The following PLXNC1 variants were observed in gnomAD, a reference collection of about 807,000 sequenced individuals.
The protein encoded by PLXNC1 is plexin C1.
A neutral mutation model predicts 178.2 loss-of-function variants in PLXNC1; 75 were observed. That is an observed-to-expected ratio of 0.42 (90% CI 0.35 to 0.51). The LOEUF (loss-of-function observed/expected upper bound fraction) is 0.51. Ranked by LOEUF, PLXNC1 falls within the 20% of genes least tolerant of loss-of-function variation. The pLI, the probability that PLXNC1 is intolerant of heterozygous loss-of-function variation, is 0.02. For synonymous variants in PLXNC1, 790 were observed against 779.9 expected, an observed-to-expected ratio of 1.01 and a Z score of -0.22; for missense variants, 1,503 against 1,984.4, an observed-to-expected ratio of 0.76 and a Z score of 4.61.
intron 10 of PLXNC1, among the ~76,000 whole-genome samples, chr12:94,239,989 T>C (rs1964343919): frequency 6.6e-6 from 1 of 152,202 alleles, no homozygotes; most frequent in African/African-American, 2.4e-5. Flanking sequence ...TCTGTAGCCA[T>C]TCCCGGTTTC....
chr12:94,207,063 G>A (rs561163282), intron 4 of PLXNC1, among the ~76,000 whole-genome samples: 1 of 152,224 alleles, frequency 6.6e-6, no homozygotes, highest in African/African-American at 2.4e-5. Flanking sequence ...GTAATATGCT[G>A]TCATGAAGAT....
chr12:94,245,264 C>A (rs1964495058), intron 12 of PLXNC1, among the ~76,000 whole-genome samples: 1 of 152,218 alleles, frequency 6.6e-6, no homozygotes, highest in African/African-American at 2.4e-5. Flanking sequence ...CTTGCTGTTC[C>A]CAAATCAAGT....
At chr12:94,227,091 G>C in intron 8 of PLXNC1, 58 bp from the exon 9 acceptor site, 1 of 1,086,808 alleles carries the variant, frequency 9.2e-7, no homozygotes, top group Non-Finnish European at 1.4e-6. Flanking sequence ...TTTTATGTTT[G>C]TTGCACACTT....
At chr12:94,303,131 ACT>A (rs1968636856) in intron 28 of PLXNC1, among the ~76,000 whole-genome samples, 1 of 152,204 alleles carries the variant, frequency 6.6e-6, no homozygotes, top group South Asian at 2.1e-4. Context: ...TTTAAATATC[ACT>A]GTTATAATTA....
intron 9 of PLXNC1, among the ~76,000 whole-genome samples, chr12:94,235,667 T>C (rs1439404000): frequency 6.6e-6 from 1 of 152,206 alleles, no homozygotes; most frequent in Non-Finnish European, 1.5e-5. Flanking sequence ...GGCCGTATGG[T>C]CTCTGCTGCA....
intron 4 of PLXNC1, among the ~76,000 whole-genome samples, chr12:94,190,275 C>G (rs1263249244): frequency 6.6e-6 from 1 of 152,156 alleles, no homozygotes; most frequent in African/African-American, 2.4e-5. Context: ...AGGGTCTCAT[C>G]CTGTCACCCA....
At chr12:94,170,337 C>T (rs868175711) in intron 2 of PLXNC1, among the ~76,000 whole-genome samples, 1 of 152,204 alleles carries the variant, frequency 6.6e-6, no homozygotes, top group South Asian at 2.1e-4. Context: ...TCCCCACCAT[C>T]CCCATCCCCA....
At chr12:94,192,777 G>A (rs1565802944) in intron 4 of PLXNC1, among the ~76,000 whole-genome samples, 1 of 152,138 alleles carries the variant, frequency 6.6e-6, no homozygotes, top group Non-Finnish European at 1.5e-5. Flanking sequence ...CATGGAGTAG[G>A]GAAATATATT....
rs1407174008 is a variant in PLXNC1 at position 94,306,152 on chromosome 12, T to C, written c.*867T>C. 1 of 152,140 alleles carries C rather than the reference T, an allele frequency of 6.6e-6. No homozygotes were observed. The highest frequency in any genetic ancestry group is 2.4e-5 in the African/African-American group (1 of 41,438). 9.4% of individuals were successfully genotyped at this position (152,140 alleles called of 1,614,324 possible). A position where few individuals can be genotyped will look rare whatever the true frequency, so the allele number is the denominator to read the frequency against. On this transcript the variant is annotated 3_prime_UTR_variant, in exon 31 of 31. Transcript: ENST00000258526. ...AACGATCTGTGGAAGAGTAACTCCA[T>C]TTCTATATGAGTGAGTGTCTCCTTG...
chr12:94,207,712 A>G (rs905482837), intron 4 of PLXNC1, among the ~76,000 whole-genome samples: 2 of 152,238 alleles, frequency 1.3e-5, no homozygotes, highest in Non-Finnish European at 2.9e-5. Context: ...ATACCGAAAT[A>G]TGTACTTCTG....
chr12:94,305,307 T>A lies in PLXNC1; in HGVS notation c.*22T>A. 6.8e-7 allele frequency: 1 copy of A among 1,475,102 alleles called. No homozygotes were observed. Among genetic ancestry groups the A allele is most frequent in the Non-Finnish European group, 9.4e-7 (1 of 1,062,368 alleles). 91.4% of individuals were successfully genotyped at this position (1,475,102 alleles called of 1,614,324 possible). A position where few individuals can be genotyped will look rare whatever the true frequency, so the allele number is the denominator to read the frequency against. ...GTAAGCACTCTGGGGCCTGGCTTAA[T>A]CTGGCAAAGTTCTTCAGACGACTTG... On this transcript the variant is annotated 3_prime_UTR_variant, in exon 31 of 31. Transcript: ENST00000258526.
At chr12:94,174,476 C>T (rs1040037575) in intron 2 of PLXNC1, among the ~76,000 whole-genome samples, 4 of 152,168 alleles carry the variant, frequency 2.6e-5, no homozygotes, top group African/African-American at 7.2e-5. Flanking sequence ...CTGCACACGG[C>T]GCCACTCAGG....
At chr12:94,172,346 C>T (rs1259398808) in intron 2 of PLXNC1, among the ~76,000 whole-genome samples, 2 of 152,194 alleles carry the variant, frequency 1.3e-5, no homozygotes, top group African/African-American at 4.8e-5. Flanking sequence ...AGTCAGGAAA[C>T]AGCAATTGGG....
intron 4 of PLXNC1, among the ~76,000 whole-genome samples, chr12:94,208,393 C>T (rs1963369020): frequency 6.6e-6 from 1 of 151,936 alleles, no homozygotes; most frequent in African/African-American, 2.4e-5. Flanking sequence ...ACACAGAGCT[C>T]AAAGATGAAG....
intron 21 of PLXNC1, among the ~76,000 whole-genome samples, chr12:94,274,849 G>A (rs1965819206): frequency 6.6e-6 from 1 of 152,070 alleles, no homozygotes; most frequent in African/African-American, 2.4e-5. Flanking sequence ...TGCCACAAGG[G>A]GATGAGTAAA....
intron 4 of PLXNC1, among the ~76,000 whole-genome samples, chr12:94,192,662 C>A (rs1260072129): frequency 6.6e-6 from 1 of 152,048 alleles, no homozygotes; most frequent in African/African-American, 2.4e-5. Flanking sequence ...ATAGAAGTAG[C>A]ATGAGAGACC....
At chr12:94,189,842 G>T (rs550189950) in intron 4 of PLXNC1, among the ~76,000 whole-genome samples, 1 of 152,258 alleles carries the variant, frequency 6.6e-6, no homozygotes, top group Non-Finnish European at 1.5e-5. Context: ...AACTGAGGTG[G>T]TTACCAGAGT....
rs757709976 is a variant in PLXNC1, at chr12:94,255,185, T to C, written c.2984-8T>C. The C allele has an allele frequency of 6.2e-7, 1 of 1,606,964 alleles. No homozygotes were observed. The highest frequency in any genetic ancestry group is 8.5e-7 in the Non-Finnish European group (1 of 1,173,416). ...TTAAAATATTGCTCTTGGGATTCTG[T>C]TTTGCAGGCTTTGCTGAGCTGCAGA... On this transcript the variant is annotated splice_region_variant and splice_polypyrimidine_tract_variant and intron_variant, in intron 16 of 30. Coordinates refer to ENST00000258526, the MANE Select transcript of PLXNC1 (RefSeq NM_005761.3).
Position 94,229,704 on chromosome 12 carries a change from C to A in PLXNC1, c.1980+2469C>A, listed in dbSNP as rs182689911. Among the ~76,000 whole-genome samples, 13 of 152,280 alleles carry A rather than the reference C, an allele frequency of 8.5e-5. No individual in the cohort carries two copies. The Middle Eastern group carries it at 0.01, about 120-fold the overall frequency. On this transcript the variant is annotated intron_variant, in intron 9 of 30. Transcript: ENST00000258526. ...GGCACCCTCGTTGAAAATCATTTCA[C>A]CATATTTGTGAGAGTGTATTTCTGG...
Sources: gnomAD v4.1 joint callset for allele counts (sites outside exome capture counted in the v4.1 genomes callset) on GRCh38, gnomAD v4.1.1 for gene constraint, MANE v1.5 for transcripts, NCBI Gene and HGNC (gene_info 2026-07-23, HGNC 2026-07-21) for gene names.